The following COA1 variants were observed in gnomAD, a reference collection of about 807,000 sequenced individuals.
The protein encoded by COA1 is cytochrome c oxidase assembly factor 1.
In COA1, 13 loss-of-function variants were observed where a neutral mutation model predicts 16.0. That is an observed-to-expected ratio of 0.81 (90% CI 0.53 to 1.29). COA1 has a LOEUF of 1.29. Ranked by LOEUF, COA1 falls within the 50% of genes most tolerant of loss-of-function variation. The probability of loss-of-function intolerance (pLI) is 0.00; values close to 1 mark genes in which losing one functional copy is unlikely to be tolerated. For synonymous variants in COA1, 65 were observed against 65.7 expected (o/e 0.99, Z 0.05); for missense variants, 179 against 177.0 (o/e 1.01, Z -0.06).
rs139922617 is a variant in COA1, at chr7:43,640,555, G to A, written c.341+18C>T. The A allele has an allele frequency of 2.5e-4, 403 of 1,585,234 alleles. 4 individuals are homozygous for A. In the East Asian group the frequency reaches 5.3e-3, roughly 21 times the overall value. The stretch of plus-strand genomic sequence containing the variant: ...GTCTTCCTCCCGCTCCCCCACTGCC[G>A]TCACCTTCCCAGGATACCTCTGAAA... On this transcript the variant is annotated intron_variant, in intron 5 of 5. Coordinates refer to ENST00000223336, the MANE Select transcript of COA1 (RefSeq NM_018224.4).
At chr7:43,704,620 T>C (rs1239066384) in intron 1 of COA1, among the ~76,000 whole-genome samples, 2 of 152,216 alleles carry the variant, frequency 1.3e-5, no homozygotes, top group Non-Finnish European at 2.9e-5. Flanking sequence ...ACACTTCCAA[T>C]TGCATTCTGA....
chr7:43,672,724 C>T (rs899714025), intron 1 of COA1, among the ~76,000 whole-genome samples: 5 of 149,792 alleles, frequency 3.3e-5, no homozygotes, highest in African/African-American at 1.2e-4. Flanking sequence ...GAGCCAAGAT[C>T]ACGCCACTGC....
At chr7:43,712,575 T>C (rs1433460237) in intron 1 of COA1, among the ~76,000 whole-genome samples, 1 of 152,218 alleles carries the variant, frequency 6.6e-6, no homozygotes, top group Non-Finnish European at 1.5e-5. Context: ...AATTTCCTAA[T>C]GATGGGCCCC....
intron 6 of COA1, chr7:43,624,394 C>A: frequency 2.2e-6 from 2 of 895,318 alleles, no homozygotes; most frequent in South Asian, 2.1e-5. Context: ...ATTCAGGAAT[C>A]ACAGTAAGAT....
intron 1 of COA1, among the ~76,000 whole-genome samples, chr7:43,701,613 T>A (rs2094743983): frequency 6.6e-6 from 1 of 152,202 alleles, no homozygotes; most frequent in South Asian, 2.1e-4. Flanking sequence ...TTTACATTCC[T>A]TTGGGGTTCA....
At chr7:43,644,790 G>GAGA (rs1563229750) in intron 4 of COA1, among the ~76,000 whole-genome samples, 178 of 39,408 alleles carry the variant, frequency 4.5e-3, no homozygotes, top group African/African-American at 1.0e-2. Flanking sequence ...AGGCAGGCAG[G>GAGA]CAGAGAGACA....
intron 1 of COA1, among the ~76,000 whole-genome samples, chr7:43,667,508 GATAA>G (rs1366250491): frequency 1.3e-5 from 2 of 152,140 alleles, no homozygotes; most frequent in African/African-American, 4.8e-5. Context: ...AAACCACAGA[GATAA>G]ATAAACTTTT....
At chr7:43,608,603 A>C (rs1410123464) in exon 7 of COA1, 1 of 455,990 alleles carries the variant, frequency 2.2e-6, no homozygotes, top group Non-Finnish European at 3.7e-6. Flanking sequence ...AAAGATACAA[A>C]ATAATACAAT....
chr7:43,661,324 G>A (rs996518783), intron 1 of COA1, among the ~76,000 whole-genome samples: 2 of 152,114 alleles, frequency 1.3e-5, no homozygotes, highest in Non-Finnish European at 2.9e-5. Context: ...TAGGTAAAGA[G>A]TGGGATTCTA....
At chr7:43,644,786 G>GAGA (rs1491115537) in intron 4 of COA1, among the ~76,000 whole-genome samples, 8,093 of 42,798 alleles carry the variant, frequency 0.19, 529 homozygotes, top group African/African-American at 0.24. Context: ...AGGCAGGCAG[G>GAGA]CAGGCAGAGA....
intron 1 of COA1, among the ~76,000 whole-genome samples, chr7:43,684,765 A>T (rs535908843): frequency 6.6e-6 from 1 of 152,312 alleles, no homozygotes; most frequent in Admixed American, 6.5e-5. Context: ...GGCACACTCT[A>T]TAGTACATAA....
chr7:43,620,684 AAAAG>A (rs1323633702), intron 6 of COA1, among the ~76,000 whole-genome samples: 2 of 151,976 alleles, frequency 1.3e-5, no homozygotes, highest in African/African-American at 4.8e-5. Flanking sequence ...AAAAAAAAAA[AAAAG>A]AATATTAATA....
intron 6 of COA1, chr7:43,623,850 T>G (rs1262825575): frequency 6.3e-7 from 1 of 1,593,992 alleles, no homozygotes; most frequent in East Asian, 2.3e-5. Flanking sequence ...CTGAGTCGGC[T>G]GTTGATTTCA....
At chr7:43,691,451 AAGAAAGAAAGAAAGAAAGAAAGAAAG>A (rs1290400432) in intron 1 of COA1, among the ~76,000 whole-genome samples, 4 of 149,186 alleles carry the variant, frequency 2.7e-5, no homozygotes, top group African/African-American at 1.0e-4. Context: ...GAAAGAAAGA[AAGAAAGAAAGAAAGAAAGAAAGAAAG>A]AAATTATCAT....
intron 1 of COA1, among the ~76,000 whole-genome samples, chr7:43,710,376 AT>A (rs1191817735): frequency 4.3e-4 from 17 of 39,318 alleles, no homozygotes; most frequent in Non-Finnish European, 6.5e-4. Flanking sequence ...AAAAAAAAAA[AT>A]ATATATATAT....
chr7:43,619,438 C>CA (rs1183233285), intron 6 of COA1, among the ~76,000 whole-genome samples: 1 of 152,166 alleles, frequency 6.6e-6, no homozygotes, highest in African/African-American at 2.4e-5. Context: ...CTGCCTTATA[C>CA]ATAGGCAATA....
chr7:43,724,279 G>A (rs574428633), intron 1 of COA1, among the ~76,000 whole-genome samples: 5 of 151,856 alleles, frequency 3.3e-5, no homozygotes, highest in African/African-American at 1.2e-4. Flanking sequence ...ACAGCCAGGC[G>A]CGGTGGCTCA....
At chr7:43,700,836 A>G (rs1244462993) in intron 1 of COA1, among the ~76,000 whole-genome samples, 1 of 152,136 alleles carries the variant, frequency 6.6e-6, no homozygotes, top group Non-Finnish European at 1.5e-5. Context: ...AGAAGTAGGT[A>G]CATCTCAGGC....
At chr7:43,648,517 G>C in intron 2 of COA1, 83 bp downstream of exon 2, 3 of 1,412,050 alleles carry the variant, frequency 2.1e-6, no homozygotes, top group Non-Finnish European at 3.0e-6. Context: ...TAACTATTCA[G>C]GGAGTGACTT....
Sources: gnomAD v4.1 joint callset for allele counts (sites outside exome capture counted in the v4.1 genomes callset) on GRCh38, gnomAD v4.1.1 for gene constraint, MANE v1.5 for transcripts, NCBI Gene and HGNC (gene_info 2026-07-23, HGNC 2026-07-21) for gene names.